The following ABCB5 variants were observed in gnomAD, a reference collection of about 807,000 sequenced individuals.
ABCB5 encodes ATP binding cassette subfamily B member 5, also known as ATP-binding cassette sub-family B member 5.
A neutral mutation model predicts 144.2 loss-of-function variants in ABCB5; 155 were observed. The observed-to-expected ratio is 1.08, with a 90% confidence interval of 0.94 to 1.23. The LOEUF (loss-of-function observed/expected upper bound fraction) is 1.23, where lower values mean the gene tolerates loss of function less well. Among genes scored for constraint, ABCB5 ranks in the 50% most tolerant of loss-of-function variants. ABCB5 has a pLI of 0.00. For synonymous variants in ABCB5, 610 were observed against 528.6 expected, an observed-to-expected ratio of 1.15 and a Z score of -2.11; for missense variants, 1,830 against 1,520.8, an observed-to-expected ratio of 1.20 and a Z score of -3.38.
intron 13 of ABCB5, 123 bp downstream of exon 13, chr7:20,651,746 C>A: frequency 9.8e-7 from 1 of 1,023,038 alleles, no homozygotes; most frequent in Non-Finnish European, 1.4e-6. Flanking sequence ...CTGGATTGTC[C>A]TAGAACAAGC....
chr7:20,711,856 TCTTTCCTTCCTC>T (rs1562573863), intron 20 of ABCB5, among the ~76,000 whole-genome samples: 1,282 of 76,720 alleles, frequency 0.017, 167 homozygotes, highest in African/African-American at 0.035. Context: ...TTTCTTTCTT[TCTTTCCTTCCTC>T]CCTCCCTCCC....
intron 26 of ABCB5, among the ~76,000 whole-genome samples, chr7:20,749,686 A>T (rs1228767297): frequency 6.6e-6 from 1 of 152,164 alleles, no homozygotes; most frequent in Non-Finnish European, 1.5e-5. Context: ...AGATCAACAC[A>T]TACAAATAAT....
intron 14 of ABCB5, chr7:20,667,473 T>C (rs2128033603): frequency 1.0e-6 from 1 of 984,356 alleles, no homozygotes; most frequent in Non-Finnish European, 1.2e-6. Context: ...TGTTTGACTT[T>C]ATATTCTGTC....
chr7:20,717,883 C>CTTTTTTTTTTTTTTTTTTTTTTT (rs574592723), intron 20 of ABCB5, among the ~76,000 whole-genome samples: 1 of 43,272 alleles, frequency 2.3e-5, no homozygotes, highest in Non-Finnish European at 4.7e-5. Flanking sequence ...TTGTAACATT[C>CTTTTTTTTTTTTTTTTTTTTTTT]TTTTTTTTTT....
At chr7:20,668,142 A>C (rs1583411351) in intron 14 of ABCB5, among the ~76,000 whole-genome samples, 4 of 130,878 alleles carry the variant, frequency 3.1e-5, no homozygotes, top group South Asian at 2.9e-4. Flanking sequence ...CCCAGCCGCC[A>C]CCCCGTCTGG....
intron 14 of ABCB5, among the ~76,000 whole-genome samples, chr7:20,664,600 A>G (rs1785110793): frequency 6.6e-6 from 1 of 152,250 alleles, no homozygotes; most frequent in African/African-American, 2.4e-5. Flanking sequence ...AAGTGCTATC[A>G]AATAAGTGAT....
intron 15 of ABCB5, among the ~76,000 whole-genome samples, chr7:20,683,743 A>T (rs1785900555): frequency 6.6e-6 from 1 of 152,196 alleles, no homozygotes; most frequent in Non-Finnish European, 1.5e-5. Flanking sequence ...TAAGCATGGT[A>T]CAGTAAATGT....
At chr7:20,626,407 T>G (rs1783909974) in intron 2 of ABCB5, 150 bp from the exon 3 acceptor site, 2 of 604,934 alleles carry the variant, frequency 3.3e-6, no homozygotes, top group Admixed American at 6.4e-5. Context: ...CAGTGACAAC[T>G]GTCTATCATT....
chr7:20,718,050 C>T (rs1156735161), intron 20 of ABCB5, among the ~76,000 whole-genome samples: 3 of 150,034 alleles, frequency 2.0e-5, no homozygotes, highest in Non-Finnish European at 3.0e-5. Context: ...TACAGGCGCC[C>T]GCCACCACGC....
intron 14 of ABCB5, among the ~76,000 whole-genome samples, chr7:20,679,304 C>T (rs1785710944): frequency 1.3e-5 from 2 of 151,680 alleles, no homozygotes. Context: ...CCCATCTCTG[C>T]TAAAAATACA....
chr7:20,739,717 G>GT (rs917126433), intron 24 of ABCB5, among the ~76,000 whole-genome samples: 31 of 149,600 alleles, frequency 2.1e-4, no homozygotes, highest in African/African-American at 5.9e-4. Context: ...AGGTTTATTT[G>GT]TTTTTTTTTC....
At chr7:20,706,520 G>C (rs903963912) in intron 20 of ABCB5, among the ~76,000 whole-genome samples, 5 of 152,190 alleles carry the variant, frequency 3.3e-5, no homozygotes, top group Non-Finnish European at 7.3e-5. Context: ...GGGAATAGTT[G>C]TCAACCTGAT....
intron 2 of ABCB5, among the ~76,000 whole-genome samples, chr7:20,625,702 G>C (rs986386401): frequency 6.6e-6 from 1 of 152,276 alleles, no homozygotes; most frequent in South Asian, 2.1e-4. Context: ...GTTCTGGCAG[G>C]AATGTAAAAT....
intron 4 of ABCB5, among the ~76,000 whole-genome samples, 171 bp downstream of exon 4, chr7:20,629,009 C>T (rs1783971910): frequency 6.6e-6 from 1 of 151,966 alleles, no homozygotes; most frequent in Non-Finnish European, 1.5e-5. Context: ...ACAAAATCTT[C>T]ATGACCACAG....
intron 20 of ABCB5, among the ~76,000 whole-genome samples, chr7:20,710,383 T>A (rs62453379): frequency 0.056 from 3,864 of 68,884 alleles, 633 homozygotes; most frequent in African/African-American, 0.17. Context: ...AAAAAAAAAG[T>A]GGGGGGGGGG....
At chr7:20,696,079 A>T (rs932284607) in intron 16 of ABCB5, among the ~76,000 whole-genome samples, 1 of 152,106 alleles carries the variant, frequency 6.6e-6, no homozygotes, top group Non-Finnish European at 1.5e-5. Flanking sequence ...GCTCAAGAGA[A>T]ATGAAAGTAT....
intron 14 of ABCB5, 147 bp downstream of exon 14, chr7:20,658,823 G>T (rs768204856): frequency 7.4e-6 from 8 of 1,078,982 alleles, no homozygotes; most frequent in South Asian, 1.6e-5. Context: ...GAGAACTTAC[G>T]TGATGGCTAT....
intron 14 of ABCB5, chr7:20,659,337 C>G: frequency 7.3e-7 from 1 of 1,362,008 alleles, no homozygotes; most frequent in Non-Finnish European, 9.5e-7. Flanking sequence ...GCCTTCAGAC[C>G]CCTTACAAGG....
At chr7:20,621,836 A>AT (rs1783812272) in intron 1 of ABCB5, among the ~76,000 whole-genome samples, 3 of 152,272 alleles carry the variant, frequency 2.0e-5, no homozygotes, top group Admixed American at 2.0e-4. Flanking sequence ...ACTTGTTAAA[A>AT]TTTTACCTAT....
Sources: gnomAD v4.1 joint callset for allele counts (sites outside exome capture counted in the v4.1 genomes callset) on GRCh38, gnomAD v4.1.1 for gene constraint, MANE v1.5 for transcripts, NCBI Gene and HGNC (gene_info 2026-07-23, HGNC 2026-07-21) for gene names.